LYPLAL1: variants seen among roughly 807,000 people sequenced by gnomAD.
LYPLAL1 encodes the protein lysophospholipase-like protein 1.
A neutral mutation model predicts 19.7 loss-of-function variants in LYPLAL1; 23 were observed. That is an observed-to-expected ratio of 1.17 (90% confidence interval 0.84 to 1.65). The LOEUF (loss-of-function observed/expected upper bound fraction) is 1.65. Among genes scored for constraint, LYPLAL1 ranks in the 40% most tolerant of loss-of-function variants. LYPLAL1 has a pLI of 0.00. For missense variants in LYPLAL1, 355 were observed against 279.4 expected (o/e 1.27, Z -1.93); for synonymous variants, 119 against 96.3 (o/e 1.24, Z -1.38).
In LYPLAL1 at chr1:219,209,439, A is replaced by G. The variant is rs193204783; in HGVS notation, c.362-1093A>G. Among the ~76,000 whole-genome samples the G allele has an allele frequency of 4.6e-5, 7 of 152,230 alleles. No homozygotes were observed. In the East Asian group the frequency reaches 1.4e-3, roughly 29 times the overall value. ...TTCCAAAATTACTATTAATAGTTTT[A>G]TATTTAAAATAATATGTACCTAATC... On this transcript the variant is annotated intron_variant, in intron 3 of 4. Transcript: ENST00000366928.
At chr1:219,300,530 C>CTTTTTTTT in the LYPLAL1 span, among the ~76,000 whole-genome samples, 10 of 81,974 alleles carry the variant, frequency 1.2e-4, no homozygotes, top group East Asian at 7.0e-4. Context: ...TTTATCCTAA[C>CTTTTTTTT]TTTTTTTTTT....
chr1:219,420,131 T>C, the LYPLAL1 span, among the ~76,000 whole-genome samples: 1 of 152,222 alleles, frequency 6.6e-6, no homozygotes, highest in Admixed American at 6.5e-5. Flanking sequence ...GCAAAGCCCC[T>C]GAGGAAAGGA....
chr1:219,441,675 G>A, the LYPLAL1 span, among the ~76,000 whole-genome samples: 1 of 152,156 alleles, frequency 6.6e-6, no homozygotes, highest in South Asian at 2.1e-4. Flanking sequence ...TAAGGAAAAC[G>A]CTGTAGCCAC....
At chr1:219,405,180 C>A in the LYPLAL1 span, among the ~76,000 whole-genome samples, 1 of 152,082 alleles carries the variant, frequency 6.6e-6, no homozygotes, top group African/African-American at 2.4e-5. Flanking sequence ...AAGGTAAATT[C>A]TCTTTCCCTC....
At chr1:219,270,273 G>C in the LYPLAL1 span, among the ~76,000 whole-genome samples, 10 of 152,216 alleles carry the variant, frequency 6.6e-5, no homozygotes, top group Non-Finnish European at 1.5e-4. Flanking sequence ...AGTTCAGAGT[G>C]GAAGTTTAAT....
At chr1:219,402,327 CA>C in the LYPLAL1 span, among the ~76,000 whole-genome samples, 5 of 151,752 alleles carry the variant, frequency 3.3e-5, no homozygotes, top group Non-Finnish European at 5.9e-5. Flanking sequence ...AGATCCCAAA[CA>C]AAAAAGAAAG....
Position 219,212,437 on chromosome 1 carries a change from A to G in LYPLAL1, c.*709A>G, listed in dbSNP as rs750716115. On this transcript the variant is annotated 3_prime_UTR_variant, in exon 5 of 5. Transcript: ENST00000366928. ...ATAAATAGCCAAAAGCCAATACATA[A>G]TAAACACTCAATAAAGATTAACCAT... The G allele has an allele frequency of 2.0e-5, 3 of 152,068 alleles. No homozygotes were observed. The highest frequency in any genetic ancestry group is 4.8e-5 in the African/African-American group (2 of 41,442). 9.4% of individuals were successfully genotyped at this position (152,068 alleles called of 1,614,324 possible).
chr1:219,429,715 C>T, the LYPLAL1 span, among the ~76,000 whole-genome samples: 1 of 152,058 alleles, frequency 6.6e-6, no homozygotes, highest in Non-Finnish European at 1.5e-5. Flanking sequence ...TTCCCATTGC[C>T]CTGGGGAGCC....
the LYPLAL1 span, among the ~76,000 whole-genome samples, chr1:219,344,426 T>A: frequency 6.6e-6 from 1 of 152,166 alleles, no homozygotes; most frequent in Admixed American, 6.5e-5. Flanking sequence ...CTCCTCCCAT[T>A]CTCTAACTGG....
Position 219,197,045 on chromosome 1 carries a change from A to G in LYPLAL1, c.361+3794A>G, listed in dbSNP as rs553783512. Among the ~76,000 whole-genome samples the G allele has an allele frequency of 7.1e-4, 108 of 152,338 alleles. 1 individual carries two copies. In the South Asian group the frequency reaches 0.022, roughly 30 times the overall value. On this transcript the variant is annotated intron_variant, in intron 3 of 4. Transcript: ENST00000366928. ...GATAGGAAGAATCAATATCATGAAA[A>G]TGGCCATACTACCCGAAGTAATTTA...
the LYPLAL1 span, among the ~76,000 whole-genome samples, chr1:219,388,914 G>A: frequency 6.6e-6 from 1 of 151,988 alleles, no homozygotes; most frequent in African/African-American, 2.4e-5. Context: ...AACTCATTAT[G>A]TGGTTTGCAA....
chr1:219,359,512 T>C, the LYPLAL1 span, among the ~76,000 whole-genome samples: 2 of 152,156 alleles, frequency 1.3e-5, no homozygotes, highest in East Asian at 3.9e-4. Flanking sequence ...ACCATGGTCT[T>C]TCACAAAGCT....
chr1:219,199,579 A>T (rs1657909654), intron 3 of LYPLAL1, among the ~76,000 whole-genome samples: 1 of 150,590 alleles, frequency 6.6e-6, no homozygotes, highest in African/African-American at 2.5e-5. Flanking sequence ...AGTAGCTGGG[A>T]CTACAGGCAC....
chr1:219,195,733 A>G (rs987345356), intron 3 of LYPLAL1, among the ~76,000 whole-genome samples: 1 of 152,172 alleles, frequency 6.6e-6, no homozygotes, highest in Non-Finnish European at 1.5e-5. Flanking sequence ...CAGGACATGC[A>G]GGTTTGTTAC....
At chr1:219,242,094 C>T in the LYPLAL1 span, among the ~76,000 whole-genome samples, 76 of 152,000 alleles carry the variant, frequency 5.0e-4, no homozygotes, top group African/African-American at 1.2e-3. Flanking sequence ...TTAAAATAGG[C>T]GCTATTAAGT....
chr1:219,222,145 T>C, the LYPLAL1 span: 1 of 143,340 alleles, frequency 7.0e-6, no homozygotes, highest in Non-Finnish European at 1.5e-5. Flanking sequence ...CTATATCAAA[T>C]CATCCTTCTC....
At chr1:219,332,707 G>A in the LYPLAL1 span, among the ~76,000 whole-genome samples, 3 of 149,290 alleles carry the variant, frequency 2.0e-5, no homozygotes, top group Admixed American at 6.8e-5. Context: ...GCATGAGTTT[G>A]GAGAAGAGTT....
At chr1:219,184,847 G>T (rs1041093636) in intron 2 of LYPLAL1, among the ~76,000 whole-genome samples, 4 of 151,794 alleles carry the variant, frequency 2.6e-5, no homozygotes, top group African/African-American at 4.8e-5. Flanking sequence ...CTTTGGTAAA[G>T]AATTTTATGT....
chr1:219,385,119 G>A, the LYPLAL1 span, among the ~76,000 whole-genome samples: 2 of 152,062 alleles, frequency 1.3e-5, no homozygotes, highest in African/African-American at 4.8e-5. Context: ...GATCTGCTGG[G>A]GATTTTAAAC....
Sources: gnomAD v4.1 joint callset for allele counts (sites outside exome capture counted in the v4.1 genomes callset) on GRCh38, gnomAD v4.1.1 for gene constraint, MANE v1.5 for transcripts, NCBI Gene and HGNC (gene_info 2026-07-23, HGNC 2026-07-21) for gene names.